The following PPP2R2B variants were observed in gnomAD, a reference collection of about 807,000 sequenced individuals.
The protein encoded by PPP2R2B is serine/threonine-protein phosphatase 2A 55 kDa regulatory subunit B beta isoform.
Under a neutral mutation model 46.0 loss-of-function variants are expected in PPP2R2B, and 5 were observed. The observed-to-expected ratio is 0.11, with a 90% confidence interval of 0.06 to 0.23. The LOEUF (loss-of-function observed/expected upper bound fraction) is 0.23. Ranked by LOEUF, PPP2R2B falls within the 10% of genes least tolerant of loss-of-function variation. PPP2R2B has a pLI of 1.00. For synonymous variants in PPP2R2B, 215 were observed against 206.7 expected (o/e 1.04, Z -0.34); for missense variants, 367 against 575.0 (o/e 0.64, Z 3.70).
At chr5:146,949,979 G>A (rs749814205) in intron 1 of PPP2R2B, among the ~76,000 whole-genome samples, 7 of 152,012 alleles carry the variant, frequency 4.6e-5, no homozygotes, top group Non-Finnish European at 4.4e-5. Context: ...GGGAAGGGTA[G>A]TGGGGATAGG....
chr5:146,877,965 C>A, intron 2 of PPP2R2B, 37 bp downstream of exon 2: 2 of 1,599,948 alleles, frequency 1.3e-6, no homozygotes, highest in South Asian at 2.3e-5. Flanking sequence ...AACTTGCGCC[C>A]GGCCCCAACG....
chr5:146,971,592 C>T (rs1402082012), intron 1 of PPP2R2B, among the ~76,000 whole-genome samples: 1 of 152,140 alleles, frequency 6.6e-6, no homozygotes, highest in Non-Finnish European at 1.5e-5. Flanking sequence ...CAGCAGTATA[C>T]CTATTAAATT....
intron 1 of PPP2R2B, among the ~76,000 whole-genome samples, chr5:147,002,180 G>C (rs931148621): frequency 6.6e-6 from 1 of 152,076 alleles, no homozygotes; most frequent in Non-Finnish European, 1.5e-5. Context: ...ATAAACTCCA[G>C]GACTCTGTTA....
chr5:146,810,743 C>CT (rs1757484814), intron 2 of PPP2R2B, among the ~76,000 whole-genome samples: 1 of 151,242 alleles, frequency 6.6e-6, no homozygotes, highest in African/African-American at 2.4e-5. Flanking sequence ...TTTTATTATA[C>CT]TTTAAGTTCT....
At chr5:146,925,540 C>T (rs1763754692) in intron 1 of PPP2R2B, among the ~76,000 whole-genome samples, 1 of 152,154 alleles carries the variant, frequency 6.6e-6, no homozygotes, top group South Asian at 2.1e-4. Context: ...ATGGTGCGTG[C>T]TATTCTTCTT....
intron 2 of PPP2R2B, among the ~76,000 whole-genome samples, chr5:146,771,599 GCTGT>G (rs1754858000): frequency 6.6e-6 from 1 of 152,206 alleles, no homozygotes; most frequent in South Asian, 2.1e-4. Context: ...CAGATGATGA[GCTGT>G]CTACCAATAT....
intron 2 of PPP2R2B, among the ~76,000 whole-genome samples, chr5:146,730,131 A>G (rs575667304): frequency 6.6e-6 from 1 of 152,326 alleles, no homozygotes; most frequent in South Asian, 2.1e-4. Flanking sequence ...TGTGACCTGG[A>G]TATGAGACCT....
At chr5:146,639,500 C>T (rs77306526) in intron 6 of PPP2R2B, among the ~76,000 whole-genome samples, 1,761 of 152,190 alleles carry the variant, frequency 0.012, 12 homozygotes, top group Admixed American at 0.019. Context: ...TGGGTTTGTA[C>T]AGATCTCTTC....
chr5:146,852,382 T>C (rs1760400245), intron 2 of PPP2R2B, among the ~76,000 whole-genome samples: 1 of 152,114 alleles, frequency 6.6e-6, no homozygotes, highest in African/African-American at 2.4e-5. Flanking sequence ...TGATTACAGG[T>C]CATTAGTGAC....
intron 2 of PPP2R2B, among the ~76,000 whole-genome samples, chr5:146,727,014 CATCCT>C (rs1751911718): frequency 6.6e-6 from 1 of 152,172 alleles, no homozygotes; most frequent in Non-Finnish European, 1.5e-5. Context: ...TGCTAGGTTT[CATCCT>C]ATAGAAGAGA....
At chr5:146,774,828 A>C (rs1444467158) in intron 2 of PPP2R2B, among the ~76,000 whole-genome samples, 1 of 151,946 alleles carries the variant, frequency 6.6e-6, no homozygotes, top group South Asian at 2.1e-4. Flanking sequence ...AAAAAAAAAA[A>C]AAAAGAAAAG....
chr5:146,677,205 G>A lies in PPP2R2B; in HGVS notation c.447+13923C>T, dbSNP rs78744131. 6.9e-3 allele frequency among the ~76,000 whole-genome samples: 1,057 copies of A among 152,236 alleles called. 25 individuals carry two copies. The highest frequency in any genetic ancestry group is 0.042 in the Admixed American group (637 of 15,298). On this transcript the variant is annotated intron_variant, in intron 5 of 9. Coordinates refer to ENST00000394411, the MANE Select transcript of PPP2R2B (RefSeq NM_181675.4). ...TTGGTTTTGAACTGGCAAGATAATT[G>A]GACAGAGTTTTCGCTTTGTATCTGG...
At chr5:146,894,186 G>A (rs1156580233) in intron 1 of PPP2R2B, among the ~76,000 whole-genome samples, 1 of 152,182 alleles carries the variant, frequency 6.6e-6, no homozygotes, top group Non-Finnish European at 1.5e-5. Flanking sequence ...GTTACCACAA[G>A]TACAATCATT....
chr5:146,964,184 CAGAAAACTG>C, intron 1 of PPP2R2B, among the ~76,000 whole-genome samples: 1 of 152,296 alleles, frequency 6.6e-6, no homozygotes, highest in Middle Eastern at 3.4e-3. Flanking sequence ...CTAAATACGT[CAGAAAACTG>C]AGAAAACAAA....
intron 2 of PPP2R2B, among the ~76,000 whole-genome samples, chr5:146,780,341 TAATA>T (rs1755436502): frequency 6.6e-6 from 1 of 152,176 alleles, no homozygotes; most frequent in Non-Finnish European, 1.5e-5. Context: ...AGAAAAGTAA[TAATA>T]AAGTAGATTA....
chr5:146,818,262 G>C (rs553137391), intron 2 of PPP2R2B, among the ~76,000 whole-genome samples: 1 of 152,044 alleles, frequency 6.6e-6, no homozygotes, highest in African/African-American at 2.4e-5. Flanking sequence ...ACTTAGTACT[G>C]TGTCTGGCAC....
intron 2 of PPP2R2B, among the ~76,000 whole-genome samples, chr5:146,801,049 A>T (rs1461278194): frequency 1.3e-5 from 2 of 152,174 alleles, no homozygotes; most frequent in African/African-American, 4.8e-5. Flanking sequence ...AACCTGGAGG[A>T]CATTATGCAA....
chr5:146,850,574 C>T (rs1251965612), intron 2 of PPP2R2B, among the ~76,000 whole-genome samples: 1 of 152,106 alleles, frequency 6.6e-6, no homozygotes, highest in African/African-American at 2.4e-5. Flanking sequence ...TGCAGTTCTC[C>T]CTGCCTGGGT....
intron 6 of PPP2R2B, among the ~76,000 whole-genome samples, chr5:146,640,707 G>A (rs1201551868): frequency 6.6e-6 from 1 of 152,182 alleles, no homozygotes; most frequent in Non-Finnish European, 1.5e-5. Context: ...GTGTGGGAGG[G>A]GGAGGTGCTA....
Sources: allele counts gnomAD v4.1 joint callset (sites outside exome capture counted in the v4.1 genomes callset), GRCh38; gene constraint gnomAD v4.1.1; transcripts MANE v1.5; gene names NCBI Gene and HGNC (gene_info 2026-07-23, HGNC 2026-07-21).